UBE2F: variants seen among roughly 807,000 people sequenced by gnomAD.
The protein encoded by UBE2F is NEDD8-conjugating enzyme UBE2F.
UBE2F carries 5 observed loss-of-function variants against 29.6 expected under a neutral mutation model. The ratio of observed to expected loss-of-function variants is 0.17; its 90% CI spans 0.09 to 0.36. The LOEUF is 0.36. Among genes scored for constraint, UBE2F ranks in the 10% least tolerant of loss-of-function variants. The probability of loss-of-function intolerance (pLI) is 1.00; values close to 1 mark genes in which losing one functional copy is unlikely to be tolerated. For missense variants in UBE2F, 141 were observed against 228.5 expected (o/e 0.62, Z 2.47); for synonymous variants, 66 against 81.8 (o/e 0.81, Z 1.04).
chr2:237,973,795 A>C (rs1181399651), intron 2 of UBE2F: 3 of 849,468 alleles, frequency 3.5e-6, no homozygotes, highest in Non-Finnish European at 4.7e-6. Flanking sequence ...AATGTATGAG[A>C]GTATGCGTGC....
intron 4 of UBE2F, among the ~76,000 whole-genome samples, chr2:238,001,191 G>T (rs567649842): frequency 6.6e-6 from 1 of 151,556 alleles, no homozygotes; most frequent in African/African-American, 2.4e-5. Flanking sequence ...GTGCCACCAC[G>T]CCCGGCTAAT....
rs1349095218 is a variant in UBE2F at position 237,973,752 on chromosome 2, G to A, written c.118+527G>A. On this transcript the variant is annotated intron_variant, in intron 2 of 9. Coordinates refer to ENST00000272930, the MANE Select transcript of UBE2F (RefSeq NM_080678.3). ...TGACTTCTGCTATCCATGTTGGTGA[G>A]GAGAAACTTTATCCTTGGAGAAGGG... 3.3e-6 allele frequency: 4 copies of A among 1,230,450 alleles called. No individual in the cohort carries two copies. In the East Asian group the frequency reaches 2.4e-4, roughly 73 times the overall value. The allele number at this position is 1,230,450 out of a possible 1,614,324, so 76.2% of individuals were successfully genotyped here. A position where few individuals can be genotyped will look rare whatever the true frequency, so the allele number is the denominator to read the frequency against.
chr2:238,039,600 C>G (rs1292585441), intron 9 of UBE2F, among the ~76,000 whole-genome samples: 2 of 152,138 alleles, frequency 1.3e-5, no homozygotes, highest in African/African-American at 4.8e-5. Context: ...ATTGAGTAGC[C>G]CATTGGAGGC....
At chr2:237,986,141 T>A (rs775749582) in intron 2 of UBE2F, 1 of 329,046 alleles carries the variant, frequency 3.0e-6, no homozygotes. Context: ...CCTTTTCTTT[T>A]CTTTTTTTTT....
intron 2 of UBE2F, 21 bp downstream of exon 2, chr2:237,973,246 C>T: frequency 6.2e-7 from 1 of 1,608,704 alleles, no homozygotes. Context: ...TTCGTGTGAA[C>T]TGTTTTTATA....
At chr2:237,995,745 C>T (rs1458765509) in intron 4 of UBE2F, among the ~76,000 whole-genome samples, 2 of 152,166 alleles carry the variant, frequency 1.3e-5, no homozygotes, top group East Asian at 3.9e-4. Context: ...ACAAGAAATC[C>T]TGGTTTCAAA....
At chr2:238,011,138 AC>A (rs1401350747) in intron 4 of UBE2F, among the ~76,000 whole-genome samples, 2 of 151,938 alleles carry the variant, frequency 1.3e-5, no homozygotes, top group Non-Finnish European at 2.9e-5. Flanking sequence ...CCCTACTCAG[AC>A]CCCTTTCATG....
chr2:237,996,641 A>G (rs560657829), intron 4 of UBE2F, among the ~76,000 whole-genome samples: 12 of 151,918 alleles, frequency 7.9e-5, no homozygotes, highest in African/African-American at 2.9e-4. Flanking sequence ...ATGCCCAGCT[A>G]ATTTTTGTAT....
At chr2:238,030,754 C>A in intron 7 of UBE2F, 141 bp downstream of exon 7, 1 of 681,432 alleles carries the variant, frequency 1.5e-6, no homozygotes, top group Non-Finnish European at 2.7e-6. Flanking sequence ...TCCTCTTCTC[C>A]CTGCTGCCTA....
intron 3 of UBE2F, among the ~76,000 whole-genome samples, chr2:237,991,028 C>A (rs1234153087): frequency 6.6e-6 from 1 of 152,096 alleles, no homozygotes; most frequent in African/African-American, 2.4e-5. Flanking sequence ...ATAGAGTGTA[C>A]TTTAAAAACA....
chr2:238,026,666 C>T (rs1054145766), intron 6 of UBE2F, among the ~76,000 whole-genome samples: 21 of 152,110 alleles, frequency 1.4e-4, no homozygotes, highest in African/African-American at 5.1e-4. Flanking sequence ...ATCTCCTGAC[C>T]TTGTGATCTG....
intron 4 of UBE2F, among the ~76,000 whole-genome samples, chr2:238,000,092 G>C (rs1480886319): frequency 1.3e-5 from 2 of 152,132 alleles, no homozygotes; most frequent in African/African-American, 2.4e-5. Flanking sequence ...AAAATGCTGG[G>C]ATTACAAGCG....
intron 2 of UBE2F, among the ~76,000 whole-genome samples, chr2:237,985,844 C>T (rs577725222): frequency 2.8e-4 from 42 of 152,272 alleles, no homozygotes; most frequent in African/African-American, 9.4e-4. Flanking sequence ...CTTTTTTCCA[C>T]CTTCTTGCCA....
At chr2:238,029,842 G>A (rs770545846) in intron 6 of UBE2F, among the ~76,000 whole-genome samples, 1 of 152,162 alleles carries the variant, frequency 6.6e-6, no homozygotes, top group Non-Finnish European at 1.5e-5. Context: ...GAATTTAATG[G>A]CACAGCACCT....
At chr2:237,987,850 T>TC (rs2063511014) in intron 2 of UBE2F, 113 bp from the exon 3 acceptor site, 2 of 467,900 alleles carry the variant, frequency 4.3e-6, no homozygotes, top group Admixed American at 1.1e-4. Flanking sequence ...ATTCAGTTCA[T>TC]CCTTTTTTTT....
intron 4 of UBE2F, among the ~76,000 whole-genome samples, chr2:238,010,768 C>T (rs2064004468): frequency 6.6e-6 from 1 of 152,170 alleles, no homozygotes; most frequent in Non-Finnish European, 1.5e-5. Flanking sequence ...CAACCTCTCC[C>T]AGTACTCAAG....
intron 2 of UBE2F, chr2:237,986,200 AGCGC>A (rs1396170068): frequency 1.3e-5 from 5 of 380,706 alleles, no homozygotes; most frequent in Non-Finnish European, 2.5e-5. Context: ...AGTGGTGTAG[AGCGC>A]AGTGGTGTGG....
chr2:238,013,941 T>C (rs1009068375), intron 4 of UBE2F, among the ~76,000 whole-genome samples: 1 of 152,200 alleles, frequency 6.6e-6, no homozygotes, highest in African/African-American at 2.4e-5. Flanking sequence ...AACATAGAAT[T>C]GGCCTGTCCT....
intron 2 of UBE2F, among the ~76,000 whole-genome samples, chr2:237,985,793 A>G (rs2063469824): frequency 6.6e-6 from 1 of 152,298 alleles, no homozygotes; most frequent in South Asian, 2.1e-4. Context: ...CATAATGGCT[A>G]TACCAAGTTT....
Sources: gnomAD v4.1 joint callset for allele counts (sites outside exome capture counted in the v4.1 genomes callset) on GRCh38, gnomAD v4.1.1 for gene constraint, MANE v1.5 for transcripts, NCBI Gene and HGNC (gene_info 2026-07-23, HGNC 2026-07-21) for gene names.